PAPPA: variants seen among roughly 807,000 people sequenced by gnomAD.
The protein encoded by PAPPA is pappalysin-1.
A neutral mutation model predicts 164.0 loss-of-function variants in PAPPA; 60 were observed. The ratio of observed to expected loss-of-function variants is 0.37; its 90% CI spans 0.30 to 0.45. PAPPA has a LOEUF of 0.45. Ranked by LOEUF, PAPPA falls within the 20% of genes least tolerant of loss-of-function variation. The probability of loss-of-function intolerance (pLI) is 1.00; values close to 1 mark genes in which losing one functional copy is unlikely to be tolerated. For synonymous variants in PAPPA, 875 were observed against 814.1 expected, an observed-to-expected ratio of 1.07 and a Z score of -1.27; for missense variants, 1,782 against 2,087.3, an observed-to-expected ratio of 0.85 and a Z score of 2.85.
At chr9:116,245,155 G>A (rs2118767100) in intron 7 of PAPPA, among the ~76,000 whole-genome samples, 1 of 151,490 alleles carries the variant, frequency 6.6e-6, no homozygotes, top group East Asian at 2.0e-4. Flanking sequence ...TGGACACTCA[G>A]AAGGGTGGGG....
At chr9:116,178,140 CT>C (rs780208531) in intron 1 of PAPPA, among the ~76,000 whole-genome samples, 3 of 152,150 alleles carry the variant, frequency 2.0e-5, no homozygotes, top group Non-Finnish European at 2.9e-5. Flanking sequence ...GAGTTTCGCT[CT>C]TGTTGCCCAG....
At chr9:116,180,646 G>A (rs963973265) in intron 1 of PAPPA, among the ~76,000 whole-genome samples, 2 of 151,976 alleles carry the variant, frequency 1.3e-5, no homozygotes, top group Non-Finnish European at 2.9e-5. Context: ...AATACGAATT[G>A]CATATAAATT....
chr9:116,198,358 T>G (rs1393138984), intron 2 of PAPPA, among the ~76,000 whole-genome samples: 1 of 152,190 alleles, frequency 6.6e-6, no homozygotes, highest in Non-Finnish European at 1.5e-5. Flanking sequence ...TCTGAGGCTG[T>G]CAAAACAGAG....
intron 9 of PAPPA, among the ~76,000 whole-genome samples, chr9:116,275,416 A>G (rs1422912974): frequency 6.6e-6 from 1 of 152,134 alleles, no homozygotes; most frequent in Non-Finnish European, 1.5e-5. Flanking sequence ...TTTTCTGTGA[A>G]CTACGGGTCG....
At chr9:116,230,201 A>C (rs1275693251) in intron 6 of PAPPA, among the ~76,000 whole-genome samples, 1 of 152,164 alleles carries the variant, frequency 6.6e-6, no homozygotes, top group Admixed American at 6.5e-5. Context: ...AGAGCATCCT[A>C]TTACAGTCTC....
chr9:116,320,610 C>G (rs1397780249), intron 10 of PAPPA, among the ~76,000 whole-genome samples: 5 of 152,090 alleles, frequency 3.3e-5, no homozygotes, highest in African/African-American at 1.2e-4. Flanking sequence ...TTAAGGCAGG[C>G]ATCAAAGGGG....
At chr9:116,360,825 G>A (rs951553243) in intron 17 of PAPPA, among the ~76,000 whole-genome samples, 1 of 152,160 alleles carries the variant, frequency 6.6e-6, no homozygotes, top group Non-Finnish European at 1.5e-5. Context: ...GTTGAATAGG[G>A]CACCAGCCTG....
At chr9:116,194,921 G>A (rs550267252) in intron 2 of PAPPA, among the ~76,000 whole-genome samples, 1 of 152,220 alleles carries the variant, frequency 6.6e-6, no homozygotes, top group East Asian at 1.9e-4. Context: ...TTTTTTTAAA[G>A]GACTAGCCAC....
rs1843582450 is a variant in PAPPA at position 116,154,834 on chromosome 9, C to T, written c.415+247C>T. 6.6e-6 allele frequency among the ~76,000 whole-genome samples: 1 copy of T among 152,314 alleles called. No homozygotes were observed. Among genetic ancestry groups the T allele is most frequent in the East Asian group, 1.9e-4 (1 of 5,156 alleles). ...GAACCTGGGGAGCCCTCCTGGCGGC[C>T]CCGCGGACCCTCGGCCAGTGAGGGC... is the stretch of plus-strand genomic sequence containing the variant. On this transcript the variant is annotated intron_variant, in intron 1 of 21. Transcript: ENST00000328252. The surrounding 1 kb of genome is among the most constrained non-coding windows in gnomAD (Gnocchi z 5.2).
chr9:116,270,898 G>A (rs1418855268), intron 8 of PAPPA, among the ~76,000 whole-genome samples: 1 of 152,112 alleles, frequency 6.6e-6, no homozygotes, highest in Non-Finnish European at 1.5e-5. Context: ...AGGATATCAA[G>A]GCAGGGAGTG....
intron 3 of PAPPA, among the ~76,000 whole-genome samples, chr9:116,207,874 C>T (rs755357592): frequency 3.3e-5 from 5 of 152,176 alleles, no homozygotes; most frequent in Non-Finnish European, 7.3e-5. Context: ...GCTTATCCAA[C>T]ATCACACGCA....
chr9:116,256,202 A>T (rs1320432585), intron 7 of PAPPA, among the ~76,000 whole-genome samples: 1 of 152,002 alleles, frequency 6.6e-6, no homozygotes, highest in Non-Finnish European at 1.5e-5. Context: ...TAAACAACCT[A>T]AGGGCTTTTT....
At chr9:116,377,491 T>G (rs1588027286) in intron 19 of PAPPA, 85 bp from the exon 20 acceptor site, 6 of 901,910 alleles carry the variant, frequency 6.7e-6, no homozygotes, top group Admixed American at 1.9e-5. Flanking sequence ...CCAGAAGAGG[T>G]GAGGTGGTTA....
intron 7 of PAPPA, among the ~76,000 whole-genome samples, chr9:116,249,245 T>TC (rs2118775493): frequency 6.6e-6 from 1 of 152,310 alleles, no homozygotes; most frequent in South Asian, 2.1e-4. Flanking sequence ...TCACTCAGCT[T>TC]CACAGGTTAG....
intron 20 of PAPPA, among the ~76,000 whole-genome samples, chr9:116,381,140 T>G (rs1424438944): frequency 6.6e-6 from 1 of 152,220 alleles, no homozygotes; most frequent in Non-Finnish European, 1.5e-5. Context: ...TGGACTAATC[T>G]GGCCTCTTTA....
intron 13 of PAPPA, among the ~76,000 whole-genome samples, chr9:116,336,464 C>T (rs562221927): frequency 5.3e-5 from 8 of 152,260 alleles, no homozygotes; most frequent in Admixed American, 5.2e-4. Context: ...TCTCCAGACC[C>T]TATAAAAATA....
At chr9:116,215,414 A>G (rs1844358126) in intron 4 of PAPPA, among the ~76,000 whole-genome samples, 1 of 152,220 alleles carries the variant, frequency 6.6e-6, no homozygotes, top group Non-Finnish European at 1.5e-5. Flanking sequence ...TGCATCCACA[A>G]AAAAGAATGA....
chr9:116,354,087 T>C (rs912587380), intron 17 of PAPPA, among the ~76,000 whole-genome samples: 2 of 152,142 alleles, frequency 1.3e-5, no homozygotes, highest in African/African-American at 4.8e-5. Context: ...GCTACCTCCA[T>C]TACCACCCAT....
chr9:116,375,900 T>C (rs925293978), intron 19 of PAPPA, among the ~76,000 whole-genome samples: 1 of 152,228 alleles, frequency 6.6e-6, no homozygotes, highest in Non-Finnish European at 1.5e-5. Flanking sequence ...CACAGTTACC[T>C]GTCACTACAC....
Sources: allele counts gnomAD v4.1 joint callset (sites outside exome capture counted in the v4.1 genomes callset), GRCh38; gene constraint gnomAD v4.1.1; non-coding constraint Gnocchi (gnomAD v3.1); transcripts MANE v1.5; gene names NCBI Gene and HGNC (gene_info 2026-07-23, HGNC 2026-07-21).